The following DYNLT5 variants were observed in gnomAD, a reference collection of about 807,000 sequenced individuals.
DYNLT5 encodes the protein dynein light chain Tctex-type 5.
In DYNLT5, 25 loss-of-function variants were observed where a neutral mutation model predicts 19.3. The ratio of observed to expected loss-of-function variants is 1.30; its 90% CI spans 0.95 to 1.81. DYNLT5 has a LOEUF of 1.81. Ranked by LOEUF, DYNLT5 falls within the 40% of genes most tolerant of loss-of-function variation. The probability of loss-of-function intolerance (pLI) is 0.00; values close to 1 mark genes in which losing one functional copy is unlikely to be tolerated. For synonymous variants in DYNLT5, 82 were observed against 68.9 expected (o/e 1.19, Z -0.94); for missense variants, 232 against 217.9 (o/e 1.06, Z -0.41).
In DYNLT5 at chr1:66,775,911, T is replaced by C. The variant is rs527322948; in HGVS notation, c.212-368T>C. On this transcript the variant is annotated intron_variant, in intron 3 of 4. Coordinates refer to ENST00000282670, the MANE Select transcript of DYNLT5 (RefSeq NM_152665.3). ...ACTTTAGACCTCGCTAAGGGGAATG[T>C]CATTTAAGATCTGGTAGATAGATTG... 2.7e-3 allele frequency among the ~76,000 whole-genome samples: 407 copies of C among 152,202 alleles called. 3 individuals carry two copies. The Middle Eastern group carries it at 0.027, about 10-fold the overall frequency.
chr1:66,752,850 T>C (rs1007597921), intron 1 of DYNLT5, among the ~76,000 whole-genome samples: 1 of 152,174 alleles, frequency 6.6e-6, no homozygotes, highest in Non-Finnish European at 1.5e-5. Context: ...GGTCATCCCC[T>C]GACCCGGGGC....
At chr1:66,760,326 C>G (rs1054915225) in intron 2 of DYNLT5, among the ~76,000 whole-genome samples, 1 of 152,076 alleles carries the variant, frequency 6.6e-6, no homozygotes, top group African/African-American at 2.4e-5. Flanking sequence ...ATCCCAAAGA[C>G]CTAAAATAGT....
At chr1:66,758,643 C>T (rs1324399217) in intron 2 of DYNLT5, among the ~76,000 whole-genome samples, 1 of 152,102 alleles carries the variant, frequency 6.6e-6, no homozygotes, top group Non-Finnish European at 1.5e-5. Context: ...ATTACTGTGC[C>T]ACATATTAGG....
chr1:66,754,762 A>C lies in DYNLT5; in HGVS notation c.104A>C (p.His35Pro). 1 of 1,612,274 alleles carries C rather than the reference A, an allele frequency of 6.2e-7. No homozygotes were observed. The highest frequency in any genetic ancestry group is 1.7e-5 in the Admixed American group (1 of 59,800). Residue 35 changes from histidine (H) to proline (P), a missense_variant, in exon 2 of 5, where the codon CAT (histidine) becomes CCT (proline). Transcript: ENST00000282670. ...CATGAATTTTGGCGAAAGGAAATTC[A>C]TGGGCGCATCAAAGAGTGAGTAACT... Reference protein sequence around the residue: ...SNHEFWRKEIHGRIKDSMSTV... With the variant: ...SNHEFWRKEIPGRIKDSMSTV...
At position 66,758,372 on chromosome 1, in the gene DYNLT5, T is replaced by G. The variant is rs561082323; in HGVS notation, c.119+3595T>G. ...ACAGAAGCTATGAGGTCAAGTTACTTTCACAGGATCATGTGACATGATGTC... is the reference window on the plus strand; with the variant it reads ...ACAGAAGCTATGAGGTCAAGTTACTGTCACAGGATCATGTGACATGATGTC... On this transcript the variant is annotated intron_variant, in intron 2 of 4. Transcript: ENST00000282670. Among the ~76,000 whole-genome samples the G allele has an allele frequency of 1.8e-3, 272 of 152,214 alleles. 1 individual carries two copies. Among genetic ancestry groups the G allele is most frequent in the African/African-American group, 6.3e-3 (262 of 41,464 alleles).
chr1:66,763,671 C>T (rs2094649732), intron 2 of DYNLT5, among the ~76,000 whole-genome samples: 1 of 152,194 alleles, frequency 6.6e-6, no homozygotes, highest in Non-Finnish European at 1.5e-5. Flanking sequence ...GAACAAACCT[C>T]TGCTAGTTTC....
At chr1:66,764,710 A>T (rs552380401) in intron 2 of DYNLT5, among the ~76,000 whole-genome samples, 1 of 152,360 alleles carries the variant, frequency 6.6e-6, no homozygotes, top group South Asian at 2.1e-4. Flanking sequence ...GATGTGCTCA[A>T]TGCAAGGTTG....
chr1:66,758,125 G>T (rs2094639672), intron 2 of DYNLT5, among the ~76,000 whole-genome samples: 1 of 152,056 alleles, frequency 6.6e-6, no homozygotes, highest in South Asian at 2.1e-4. Context: ...GCAAAAATGG[G>T]CTTTTGTTTA....
chr1:66,762,723 T>G (rs2094648137), intron 2 of DYNLT5, among the ~76,000 whole-genome samples: 1 of 152,220 alleles, frequency 6.6e-6, no homozygotes, highest in African/African-American at 2.4e-5. Context: ...GAAAAGAAGT[T>G]GGTGAATACA....
At chr1:66,772,611 G>A (rs1448670932) in intron 3 of DYNLT5, among the ~76,000 whole-genome samples, 1 of 152,152 alleles carries the variant, frequency 6.6e-6, no homozygotes, top group Non-Finnish European at 1.5e-5. Context: ...AAAGTAGAGG[G>A]AAATATCAGC....
intron 2 of DYNLT5, among the ~76,000 whole-genome samples, chr1:66,766,946 G>T (rs68063507): frequency 0.12 from 18,269 of 152,084 alleles, 1,158 homozygotes; most frequent in South Asian, 0.16. Context: ...GAGAATTCAT[G>T]AACACAAAGA....
chr1:66,763,123 T>C (rs748156381), intron 2 of DYNLT5, among the ~76,000 whole-genome samples: 8 of 152,252 alleles, frequency 5.3e-5, no homozygotes, highest in Non-Finnish European at 8.8e-5. Flanking sequence ...AATCTTCTTG[T>C]ACATCTCCAT....
chr1:66,774,000 A>G (rs1224222285), intron 3 of DYNLT5, among the ~76,000 whole-genome samples: 1 of 152,204 alleles, frequency 6.6e-6, no homozygotes, highest in Non-Finnish European at 1.5e-5. Flanking sequence ...CTTCATTACC[A>G]TATTTCAAAG....
intron 3 of DYNLT5, 160 bp from the exon 4 acceptor site, chr1:66,776,119 A>G: frequency 1.2e-6 from 1 of 829,892 alleles, no homozygotes; most frequent in South Asian, 2.4e-5. Flanking sequence ...CTCTCAGAGC[A>G]CTTGACAGGA....
At chr1:66,776,533 C>A in intron 4 of DYNLT5, 130 bp downstream of exon 4, 2 of 1,067,086 alleles carry the variant, frequency 1.9e-6, no homozygotes, top group Non-Finnish European at 2.6e-6. Flanking sequence ...ATAATTAGGT[C>A]ATATTCTACA....
chr1:66,761,882 A>G (rs6696874), intron 2 of DYNLT5, among the ~76,000 whole-genome samples: 32,892 of 152,156 alleles, frequency 0.22, 4,256 homozygotes, highest in African/African-American at 0.37. Context: ...AGCATGTGAT[A>G]CTGTTTGATA....
chr1:66,772,472 A>T (rs1488927720), intron 3 of DYNLT5, among the ~76,000 whole-genome samples: 1 of 152,206 alleles, frequency 6.6e-6, no homozygotes, highest in African/African-American at 2.4e-5. Context: ...AACACCTCCC[A>T]CCAGGCCCCA....
chr1:66,757,185 C>T (rs151085911), intron 2 of DYNLT5, among the ~76,000 whole-genome samples: 93 of 152,246 alleles, frequency 6.1e-4, no homozygotes, highest in African/African-American at 2.1e-3. Flanking sequence ...AAAGGTAGAC[C>T]TCCTTGAAAA....
chr1:66,754,676 T>A lies in DYNLT5; in HGVS notation c.18T>A (p.Asn6Lys), dbSNP rs1418481582. The A allele has an allele frequency of 1.9e-6, 3 of 1,610,666 alleles. No individual in the cohort carries two copies. The highest frequency in any genetic ancestry group is 3.4e-5 in the Admixed American group (2 of 59,450). The change falls in exon 2 of 5, where the codon AAT (asparagine) becomes AAA (lysine). Residue 6 changes from asparagine to lysine, a missense_variant. Asn to Lys is a moderately conservative substitution (Grantham distance 94, BLOSUM62 0). Coordinates refer to ENST00000282670, the MANE Select transcript of DYNLT5 (RefSeq NM_152665.3). MMMSD[N>K]AKGRAAHSWK... ...CATAGGTTATGATGATGTCAGACAA[T>A]GCTAAAGGCAGAGCAGCTCATTCAT...
Sources: allele counts gnomAD v4.1 joint callset (sites outside exome capture counted in the v4.1 genomes callset), GRCh38; gene constraint gnomAD v4.1.1; transcripts MANE v1.5; gene names NCBI Gene and HGNC (gene_info 2026-07-23, HGNC 2026-07-21).